TMC7: variants seen among roughly 807,000 people sequenced by gnomAD.
TMC7 encodes transmembrane channel-like protein 7.
Under a neutral mutation model 82.9 loss-of-function variants are expected in TMC7, and 54 were observed. The observed-to-expected ratio is 0.65, with a 90% CI of 0.52 to 0.82. The LOEUF (loss-of-function observed/expected upper bound fraction) is 0.82, where lower values mean the gene tolerates loss of function less well. Ranked by LOEUF, TMC7 falls within the 40% of genes least tolerant of loss-of-function variation. The pLI, the probability that TMC7 is intolerant of heterozygous loss-of-function variation, is 0.00. For synonymous variants in TMC7, 350 were observed against 337.9 expected (o/e 1.04, Z -0.39); for missense variants, 820 against 901.2 (o/e 0.91, Z 1.15).
At chr16:18,989,181 C>A (rs1189406441) in intron 1 of TMC7, among the ~76,000 whole-genome samples, 1 of 152,242 alleles carries the variant, frequency 6.6e-6, no homozygotes, top group Admixed American at 6.5e-5. Flanking sequence ...TCCCTCTTAT[C>A]TTCTAAGCCC....
chr16:19,023,154 A>G lies in TMC7; in HGVS notation c.670A>G (p.Ile224Val), dbSNP rs1290210441. 1 of 1,610,404 alleles carries G rather than the reference A, an allele frequency of 6.2e-7. No homozygotes were observed. Among genetic ancestry groups the G allele is most frequent in the South Asian group, 1.1e-5 (1 of 90,834 alleles). ...TVYPVSSSGLIYFYSYIIDLL... is the reference protein window; with the variant it reads ...TVYPVSSSGLVYFYSYIIDLL... ...CTATCCAGTAAGCAGTTCTGGACTC[A>G]TTTACTTTTACAGTTATATCATAGA... Residue 224 changes from isoleucine to valine, a missense_variant, in exon 5 of 16, where the codon ATT (isoleucine) becomes GTT (valine). Physicochemically the swap from Ile to Val is conservative, Grantham distance 29 (BLOSUM62 3). This residue lies in a region of TMC7 where 650 missense variants were observed against 669.9 expected (regional missense o/e 0.97). Transcript: ENST00000304381.
intron 1 of TMC7, among the ~76,000 whole-genome samples, chr16:19,000,846 C>T (rs947661995): frequency 2.0e-5 from 3 of 151,982 alleles, no homozygotes; most frequent in Non-Finnish European, 4.4e-5. Flanking sequence ...TGGTAAAACC[C>T]CATCTCTACT....
At position 19,009,365 on chromosome 16, in the gene TMC7, C is replaced by CCA; in HGVS notation, c.262_263dup (p.Ser89IlefsTer8). The CCA allele has an allele frequency of 6.2e-7, 1 of 1,614,176 alleles. No homozygotes were observed. Among genetic ancestry groups the CCA allele is most frequent in the Non-Finnish European group, 8.5e-7 (1 of 1,180,032 alleles). ...ACAGAATCGCTGAAAACCTCAGCAG[C>CCA]CATTCTCTTCGAAATTATGCACTGA... On this transcript the variant is annotated frameshift_variant, in exon 2 of 16. Coordinates refer to ENST00000304381, the MANE Select transcript of TMC7 (RefSeq NM_024847.4). LOFTEE classifies it high-confidence loss of function.
chr16:19,055,820 C>T (rs945032564), intron 13 of TMC7, among the ~76,000 whole-genome samples: 5 of 152,158 alleles, frequency 3.3e-5, no homozygotes, highest in Non-Finnish European at 7.3e-5. Flanking sequence ...CCCCCGTCAC[C>T]TAGGTATTAA....
chr16:19,037,555 C>G (rs945425991), intron 7 of TMC7, among the ~76,000 whole-genome samples: 2 of 150,778 alleles, frequency 1.3e-5, no homozygotes, highest in Admixed American at 6.6e-5. Context: ...ACTGCAGACT[C>G]GAACTCCCGG....
intron 1 of TMC7, among the ~76,000 whole-genome samples, chr16:19,005,472 A>G (rs1345863747): frequency 6.6e-6 from 1 of 151,810 alleles, no homozygotes; most frequent in Non-Finnish European, 1.5e-5. Flanking sequence ...GTTGTTTGCA[A>G]CTCCTTCCTC....
intron 1 of TMC7, among the ~76,000 whole-genome samples, chr16:18,989,813 G>A (rs1021899434): frequency 6.6e-6 from 1 of 150,582 alleles, no homozygotes; most frequent in African/African-American, 2.4e-5. Flanking sequence ...CTCTCGGGGG[G>A]AGGCGACTCC....
At chr16:19,034,599 AAAAT>A (rs1232253979) in intron 6 of TMC7, among the ~76,000 whole-genome samples, 1 of 143,420 alleles carries the variant, frequency 7.0e-6, no homozygotes, top group Non-Finnish European at 1.5e-5. Flanking sequence ...CTCCATCTCA[AAAAT>A]AAATAAATAA....
At chr16:19,046,016 T>C (rs1466149220) in intron 11 of TMC7, among the ~76,000 whole-genome samples, 1 of 152,150 alleles carries the variant, frequency 6.6e-6, no homozygotes, top group South Asian at 2.1e-4. Flanking sequence ...GTTTGAACCA[T>C]TGTGTCTGTT....
At chr16:19,025,348 T>C (rs1214486942) in intron 5 of TMC7, among the ~76,000 whole-genome samples, 1 of 152,160 alleles carries the variant, frequency 6.6e-6, no homozygotes, top group Non-Finnish European at 1.5e-5. Context: ...CCGGGTGCGG[T>C]GGCTCATGCC....
chr16:19,052,491 A>G (rs1313851376), intron 13 of TMC7, among the ~76,000 whole-genome samples: 1 of 152,062 alleles, frequency 6.6e-6, no homozygotes, highest in Non-Finnish European at 1.5e-5. Context: ...CCACCACACC[A>G]GGCCAAATTT....
At chr16:18,997,241 G>T (rs2142136101) in intron 1 of TMC7, among the ~76,000 whole-genome samples, 1 of 152,352 alleles carries the variant, frequency 6.6e-6, no homozygotes, top group Non-Finnish European at 1.5e-5. Flanking sequence ...CAGGCCATCT[G>T]GATGTATATG....
chr16:19,051,951 G>C, intron 13 of TMC7, 135 bp downstream of exon 13: 2 of 1,228,228 alleles, frequency 1.6e-6, no homozygotes, highest in Non-Finnish European at 2.3e-6. Context: ...CTGGAGTGTG[G>C]TGGCGCAGTC....
intron 4 of TMC7, among the ~76,000 whole-genome samples, chr16:19,022,738 G>T (rs997416842): frequency 6.6e-6 from 1 of 152,190 alleles, no homozygotes; most frequent in South Asian, 2.1e-4. Flanking sequence ...TGAAAAACAG[G>T]CAGGCTGTGG....
Position 19,021,720 on chromosome 16 carries a change from G to A in TMC7, c.552G>A (p.Leu184=), listed in dbSNP as rs1959984759. 1 of 1,614,120 alleles carries A rather than the reference G, an allele frequency of 6.2e-7. No homozygotes were observed. The highest frequency in any genetic ancestry group is 1.3e-5 in the African/African-American group (1 of 75,032). The change falls in exon 4 of 16, where the codon CTG becomes CTA. Residue 184 remains leucine, a synonymous_variant. Transcript: ENST00000304381. ...NLVIFLIIFM[L]VLLPVLLTKY... ...TGATATTTCTGATCATCTTTATGCT[G>A]GTTTTGCTCCCAGTCTTACTCACGA...
chr16:19,001,827 A>G (rs1051251765), intron 1 of TMC7, among the ~76,000 whole-genome samples: 4 of 152,120 alleles, frequency 2.6e-5, no homozygotes, highest in Admixed American at 1.3e-4. Context: ...CAGAGTCCCA[A>G]CCTCCAGTCT....
chr16:19,023,227 C>T (rs1960067847), intron 5 of TMC7, 32 bp downstream of exon 5: 2 of 1,379,148 alleles, frequency 1.5e-6, no homozygotes, highest in Non-Finnish European at 2.0e-6. Flanking sequence ...TTGTTTAGCT[C>T]CTCAATCTAC....
chr16:19,032,850 A>G (rs1416708417), intron 6 of TMC7, among the ~76,000 whole-genome samples: 1 of 152,126 alleles, frequency 6.6e-6, no homozygotes, highest in African/African-American at 2.4e-5. Context: ...GCTGGTCTCG[A>G]ACTTCTGACC....
chr16:19,011,506 AAAAT>A lies in TMC7; in HGVS notation c.311+2131_311+2134del, dbSNP rs58092157. 6.2e-3 allele frequency among the ~76,000 whole-genome samples: 855 copies of A among 137,856 alleles called. 2 individuals are homozygous for A. Among genetic ancestry groups the A allele is most frequent in the African/African-American group, 0.013 (509 of 37,888 alleles). The allele number at this position is 137,856 out of a possible 152,430, so 90.4% of individuals were successfully genotyped here. A position where few individuals can be genotyped will look rare whatever the true frequency, so the allele number is the denominator to read the frequency against. ...CAGCATAGCAAGACCCTGTCTTTAC[AAAAT>A]AAATAAATAAATAAATAAATAAATA... On this transcript the variant is annotated intron_variant, in intron 2 of 15. Coordinates refer to ENST00000304381, the MANE Select transcript of TMC7 (RefSeq NM_024847.4).
Sources: gnomAD v4.1 joint callset for allele counts (sites outside exome capture counted in the v4.1 genomes callset) on GRCh38, gnomAD v4.1.1 for gene constraint, gnomAD v4.1.1 regional missense constraint, MANE v1.5 for transcripts, NCBI Gene and HGNC (gene_info 2026-07-23, HGNC 2026-07-21) for gene names.